The following SLC5A4 variants were observed in gnomAD, a reference collection of about 807,000 sequenced individuals.
The protein encoded by SLC5A4 is solute carrier family 5 member 4.
In SLC5A4, 55 loss-of-function variants were observed where a neutral mutation model predicts 70.3. The ratio of observed to expected loss-of-function variants is 0.78; its 90% CI spans 0.63 to 0.98. The LOEUF is 0.98. SLC5A4 is among the 50% of genes least tolerant of loss of function. SLC5A4 has a pLI of 0.00. For synonymous variants in SLC5A4, 268 were observed against 305.7 expected, an observed-to-expected ratio of 0.88 and a Z score of 1.29; for missense variants, 735 against 839.2, an observed-to-expected ratio of 0.88 and a Z score of 1.53.
the SLC5A4 span, among the ~76,000 whole-genome samples, chr22:32,301,972 A>G: frequency 6.6e-6 from 1 of 152,286 alleles, no homozygotes; most frequent in African/African-American, 2.4e-5. Context: ...CTTCCCATAT[A>G]CAAAATTAAC....
intron 10 of SLC5A4, among the ~76,000 whole-genome samples, 154 bp from the exon 11 acceptor site, chr22:32,229,498 C>T (rs904302876): frequency 6.6e-6 from 1 of 152,188 alleles, no homozygotes; most frequent in East Asian, 1.9e-4. Context: ...TGCATATTTT[C>T]CTGGTCACCT....
the SLC5A4 span, among the ~76,000 whole-genome samples, chr22:32,309,331 C>T: frequency 2.6e-5 from 4 of 152,272 alleles, no homozygotes; most frequent in African/African-American, 9.6e-5. Context: ...AAAGCAGCCT[C>T]GAATGCAGAT....
the SLC5A4 span, among the ~76,000 whole-genome samples, chr22:32,325,608 T>C: frequency 6.6e-6 from 1 of 151,848 alleles, no homozygotes; most frequent in African/African-American, 2.4e-5. Flanking sequence ...CTGTGGGGAG[T>C]TGACATAGAA....
Position 32,229,358 on chromosome 22 carries a change from A to G in SLC5A4, c.1130-14T>C. On this transcript the variant is annotated splice_polypyrimidine_tract_variant and intron_variant, in intron 10 of 14. Coordinates refer to ENST00000266086, the MANE Select transcript of SLC5A4 (RefSeq NM_014227.3). Reference sequence around the variant, plus strand: ...GGCCTCGCAGTCCTGGAGCCGGGAAAGGGTACAAGCACTGGTTAGTGGCTG... The same window carrying G: ...GGCCTCGCAGTCCTGGAGCCGGGAAGGGGTACAAGCACTGGTTAGTGGCTG... 1 of 1,613,698 alleles carries G rather than the reference A, an allele frequency of 6.2e-7. No individual in the cohort carries two copies. The highest frequency in any genetic ancestry group is 8.5e-7 in the Non-Finnish European group (1 of 1,179,650).
the SLC5A4 span, among the ~76,000 whole-genome samples, chr22:32,296,448 GCTCT>G: frequency 1.5e-5 from 1 of 68,360 alleles, no homozygotes; most frequent in East Asian, 5.2e-4. Context: ...TCATGATTTG[GCTCT>G]CTGTCTGTTG....
the SLC5A4 span, among the ~76,000 whole-genome samples, chr22:32,330,966 G>GGGGCTGTGGTGTGTGTGTT: frequency 1.6e-4 from 1 of 6,096 alleles, no homozygotes; most frequent in Non-Finnish European, 3.8e-4. Context: ...GTGTGTGTTG[G>GGGGCTGTGGTGTGTGTGTT]GGGCACTGGT....
the SLC5A4 span, among the ~76,000 whole-genome samples, chr22:32,328,622 CAT>C: frequency 0.098 from 14,888 of 152,126 alleles, 1,189 homozygotes; most frequent in East Asian, 0.33. Context: ...TGAGAATGAC[CAT>C]AGTCTCAGCC....
chr22:32,244,800 G>T (rs1926727024), intron 5 of SLC5A4, among the ~76,000 whole-genome samples: 1 of 152,136 alleles, frequency 6.6e-6, no homozygotes, highest in Non-Finnish European at 1.5e-5. Context: ...AAAGTGCTGG[G>T]ATTACAGGCA....
At chr22:32,272,512 G>A in the SLC5A4 span, 5 of 695,962 alleles carry the variant, frequency 7.2e-6, no homozygotes, top group Non-Finnish European at 1.1e-5. Flanking sequence ...GTTACCAGGA[G>A]GAGAGCAAGA....
the SLC5A4 span, among the ~76,000 whole-genome samples, chr22:32,275,711 A>G: frequency 2.0e-5 from 3 of 152,238 alleles, no homozygotes; most frequent in Non-Finnish European, 4.4e-5. Context: ...AGCACGATTT[A>G]TAATCCTTTG....
rs776827198 is a variant in SLC5A4, at chr22:32,254,128, T to C, written c.207+14A>G. 1 of 1,609,062 alleles carries C rather than the reference T, an allele frequency of 6.2e-7. No homozygotes were observed. The highest frequency in any genetic ancestry group is 8.5e-7 in the Non-Finnish European group (1 of 1,175,458). On this transcript the variant is annotated intron_variant, in intron 2 of 14. Transcript: ENST00000266086. ...CACAGGAAATTTATCTCCAGAAAAC[T>C]TCGATCCACTTACCGGCCACCAGGC...
At chr22:32,314,777 G>A in the SLC5A4 span, among the ~76,000 whole-genome samples, 1 of 152,214 alleles carries the variant, frequency 6.6e-6, no homozygotes, top group African/African-American at 2.4e-5. Context: ...GAAAGGCAAG[G>A]AGGAGCAAGT....
the SLC5A4 span, among the ~76,000 whole-genome samples, chr22:32,324,748 C>T: frequency 4.6e-5 from 7 of 152,166 alleles, no homozygotes; most frequent in Non-Finnish European, 1.0e-4. Flanking sequence ...AGTCATTAAC[C>T]TCTCTGGGCC....
At chr22:32,292,604 C>CTA in the SLC5A4 span, among the ~76,000 whole-genome samples, 6 of 150,560 alleles carry the variant, frequency 4.0e-5, no homozygotes, top group Admixed American at 6.7e-5. Context: ...TAGAAAATTC[C>CTA]TATATATATA....
the SLC5A4 span, among the ~76,000 whole-genome samples, chr22:32,351,759 T>TGGGGGGGA: frequency 2.4e-4 from 2 of 8,438 alleles, no homozygotes; most frequent in African/African-American, 9.9e-4. Flanking sequence ...GGGGGGGGGG[T>TGGGGGGGA]GGGCGGGTGG....
chr22:32,220,911 A>T lies in SLC5A4; in HGVS notation c.1768+9T>A. The T allele has an allele frequency of 6.3e-7, 1 of 1,581,570 alleles. No individual in the cohort carries two copies. Among genetic ancestry groups the T allele is most frequent in the Non-Finnish European group, 8.7e-7 (1 of 1,150,336 alleles). ...CCTACATGAAAACCAAATGTAAACC[A>T]AATATTACCTTCTTCAACACCATCA... On this transcript the variant is annotated intron_variant, in intron 14 of 14. Coordinates refer to ENST00000266086, the MANE Select transcript of SLC5A4 (RefSeq NM_014227.3).
the SLC5A4 span, among the ~76,000 whole-genome samples, chr22:32,307,987 C>T: frequency 6.6e-6 from 1 of 152,194 alleles, no homozygotes; most frequent in East Asian, 1.9e-4. Context: ...ACGTGGATGT[C>T]TCCCTGCAGT....
chr22:32,239,170 C>T lies in SLC5A4; in HGVS notation c.478-80G>A, dbSNP rs1352347725. 1.9e-5 allele frequency: 19 copies of T among 990,256 alleles called. No homozygotes were observed. In the Middle Eastern group the frequency reaches 6.5e-4, roughly 34 times the overall value. 61.3% of individuals were successfully genotyped at this position (990,256 alleles called of 1,614,324 possible). On this transcript the variant is annotated intron_variant, in intron 5 of 14. Transcript: ENST00000266086. ...TCTCTGCCCCAATGTCCACTCTACT[C>T]AACCCTTCTTTTTCTGATAGACTCC...
intron 4 of SLC5A4, among the ~76,000 whole-genome samples, chr22:32,248,086 C>T (rs533143876): frequency 1.8e-4 from 27 of 152,156 alleles, no homozygotes; most frequent in Admixed American, 3.3e-4. Flanking sequence ...ATACTGGAAA[C>T]CTCTCTAGGC....
Sources: allele counts gnomAD v4.1 joint callset (sites outside exome capture counted in the v4.1 genomes callset), GRCh38; gene constraint gnomAD v4.1.1; transcripts MANE v1.5; gene names NCBI Gene and HGNC (gene_info 2026-07-23, HGNC 2026-07-21).